Variants in BEND3 observed in about 807,000 individuals in gnomAD.
BEND3 encodes BEN domain-containing protein 3.
A neutral mutation model predicts 60.1 loss-of-function variants in BEND3; 13 were observed. The ratio of observed to expected loss-of-function variants is 0.22; its 90% CI spans 0.14 to 0.34. The LOEUF is 0.34. BEND3 is among the 10% of genes least tolerant of loss of function. BEND3 has a pLI of 1.00. For missense variants in BEND3, 896 were observed against 1,138.1 expected (o/e 0.79, Z 3.06); for synonymous variants, 497 against 491.5 (o/e 1.01, Z -0.15).
intron 3 of BEND3, among the ~76,000 whole-genome samples, chr6:107,080,766 C>G (rs1775215776): frequency 6.6e-6 from 1 of 151,864 alleles, no homozygotes; most frequent in African/African-American, 2.4e-5. Context: ...CACCTGTAAC[C>G]CCAGCTACTC....
At chr6:107,092,559 T>C (rs1162581753) in intron 3 of BEND3, among the ~76,000 whole-genome samples, 1 of 152,218 alleles carries the variant, frequency 6.6e-6, no homozygotes, top group Non-Finnish European at 1.5e-5. Context: ...CCCATGAAGA[T>C]CAGGCACAAA....
chr6:107,098,413 G>A, intron 3 of BEND3, 138 bp downstream of exon 3: 2 of 821,134 alleles, frequency 2.4e-6, no homozygotes, highest in Non-Finnish European at 3.8e-6. Context: ...TGAAGCCAGA[G>A]ATGGGATAGC....
At chr6:107,111,901 G>A (rs1355259967) in intron 1 of BEND3, among the ~76,000 whole-genome samples, 5 of 151,408 alleles carry the variant, frequency 3.3e-5, no homozygotes, top group African/African-American at 1.2e-4. Flanking sequence ...AGAATCACTT[G>A]AACCCAGGAG....
chr6:107,069,443 G>C lies in BEND3; in HGVS notation c.1748C>G (p.Pro583Arg), dbSNP rs782427070. 1 of 1,612,518 alleles carries C rather than the reference G, an allele frequency of 6.2e-7. No individual in the cohort carries two copies. The highest frequency in any genetic ancestry group is 1.1e-5 in the South Asian group (1 of 91,078). ...CAGGTTCTCGTGCGTGAAGAGCTCG[G>C]GGAACAGGTGCACCAGCAGGCGCGA... Reference protein sequence around the residue: ...FASRLLVHLFPELFTHENLRK... With the variant: ...FASRLLVHLFRELFTHENLRK... Residue 583 changes from proline to arginine, a missense_variant, in exon 4 of 4, where the codon CCC becomes CGC. Coordinates refer to ENST00000369042, the MANE Select transcript of BEND3 (RefSeq NM_001367314.1).
chr6:107,112,434 T>C (rs72935791), intron 1 of BEND3, among the ~76,000 whole-genome samples: 11 of 152,256 alleles, frequency 7.2e-5, no homozygotes, highest in Non-Finnish European at 1.0e-4. Context: ...ATGCTGACTG[T>C]CTCATCTGCC....
At chr6:107,100,590 A>G (rs1455026812) in intron 1 of BEND3, among the ~76,000 whole-genome samples, 1 of 152,152 alleles carries the variant, frequency 6.6e-6, no homozygotes, top group Non-Finnish European at 1.5e-5. Flanking sequence ...AAAGGTGGGC[A>G]GTGCTCTGTT....
intron 3 of BEND3, among the ~76,000 whole-genome samples, chr6:107,086,167 C>T (rs782229489): frequency 6.6e-6 from 1 of 152,278 alleles, no homozygotes; most frequent in African/African-American, 2.4e-5. Flanking sequence ...CAGAGCCTAA[C>T]TGACCAGAAG....
intron 1 of BEND3, among the ~76,000 whole-genome samples, chr6:107,103,114 A>G (rs1554236908): frequency 6.6e-6 from 1 of 152,198 alleles, no homozygotes; most frequent in African/African-American, 2.4e-5. Flanking sequence ...CTGGAAAGTC[A>G]GTCTGCTCCG....
intron 3 of BEND3, among the ~76,000 whole-genome samples, chr6:107,083,703 G>T (rs1188224723): frequency 1.3e-5 from 2 of 151,912 alleles, no homozygotes; most frequent in African/African-American, 4.8e-5. Context: ...GGACATTACA[G>T]ATTTTTAAAT....
chr6:107,070,693 C>G lies in BEND3; in HGVS notation c.498G>C (p.Ser166=). ...GTGGCTCATTCAGGAGCCGCAGTGA[C>G]GAGGGGCTGTTGCTGGCGTTTGCCT... The part of the protein sequence containing the change: ...FEKANASNSP[S]SLRLLNEPQK... The change falls in exon 4 of 4, where the codon TCG becomes TCC. Residue 166 remains serine, a synonymous_variant. Transcript: ENST00000369042. This position sits in a 1 kb window ranked among gnomAD's most constrained non-coding sequence, Gnocchi z 6.9. The G allele has an allele frequency of 3.1e-6, 5 of 1,613,262 alleles. No homozygotes were observed. Among genetic ancestry groups the G allele is most frequent in the Non-Finnish European group, 4.2e-6 (5 of 1,180,022 alleles).
intron 3 of BEND3, among the ~76,000 whole-genome samples, chr6:107,091,491 T>C (rs559148051): frequency 1.3e-5 from 2 of 152,198 alleles, no homozygotes; most frequent in East Asian, 1.9e-4. Flanking sequence ...ACAGGCCCCA[T>C]GGACATTGAA....
At chr6:107,099,707 C>T (rs148071831) in intron 1 of BEND3, among the ~76,000 whole-genome samples, 5 of 152,244 alleles carry the variant, frequency 3.3e-5, no homozygotes, top group East Asian at 1.9e-4. Context: ...TTAGGACTTA[C>T]GGTTGTCAAG....
chr6:107,113,979 T>G (rs1481137448), intron 1 of BEND3: 1 of 152,252 alleles, frequency 6.6e-6, no homozygotes, highest in African/African-American at 2.4e-5. Context: ...TTTAAGGAGA[T>G]GAACTGCACA....
intron 1 of BEND3, among the ~76,000 whole-genome samples, chr6:107,109,126 C>A (rs1201302569): frequency 6.6e-6 from 1 of 151,638 alleles, no homozygotes; most frequent in Non-Finnish European, 1.5e-5. Flanking sequence ...ACTTTAAATA[C>A]ACGTTTCAAC....
In BEND3 at chr6:107,070,741, TAGC is replaced by T; in HGVS notation, c.447_449del (p.Leu150del). On this transcript the variant is annotated inframe_deletion, in exon 4 of 4. Transcript: ENST00000369042. The surrounding 1 kb of genome is among the most constrained non-coding windows in gnomAD (Gnocchi z 6.9). ...CCTTCTCAAAGAGCTCGTACACGTTTAGCAGGTCCCCCGAGGGAGGATTCTTCT... is the reference window on the plus strand; with the variant it reads ...CCTTCTCAAAGAGCTCGTACACGTTTAGGTCCCCCGAGGGAGGATTCTTCT... 6.2e-7 allele frequency: 1 copy of T among 1,614,050 alleles called. No homozygotes were observed. The highest frequency in any genetic ancestry group is 8.5e-7 in the Non-Finnish European group (1 of 1,180,020).
At chr6:107,100,599 TTC>T (rs1374085010) in intron 1 of BEND3, among the ~76,000 whole-genome samples, 5 of 152,122 alleles carry the variant, frequency 3.3e-5, no homozygotes, top group African/African-American at 1.2e-4. Flanking sequence ...CAGTGCTCTG[TTC>T]CAGGCTGCAG....
intron 3 of BEND3, among the ~76,000 whole-genome samples, chr6:107,090,860 C>T (rs1426012508): frequency 6.6e-6 from 1 of 152,000 alleles, no homozygotes; most frequent in Non-Finnish European, 1.5e-5. Context: ...CCTGTAATCC[C>T]AGCACTTTGG....
chr6:107,081,030 T>C (rs993625132), intron 3 of BEND3, among the ~76,000 whole-genome samples: 4 of 152,134 alleles, frequency 2.6e-5, no homozygotes, highest in African/African-American at 4.8e-5. Flanking sequence ...GGCAGGATCA[T>C]TGCAGCCTCA....
chr6:107,101,962 A>G (rs1775710180), intron 1 of BEND3, among the ~76,000 whole-genome samples: 1 of 152,228 alleles, frequency 6.6e-6, no homozygotes. Context: ...CATACTTTAC[A>G]AAACAAATTA....
Sources: allele counts gnomAD v4.1 joint callset (sites outside exome capture counted in the v4.1 genomes callset), GRCh38; gene constraint gnomAD v4.1.1; non-coding constraint Gnocchi (gnomAD v3.1); transcripts MANE v1.5; gene names NCBI Gene and HGNC (gene_info 2026-07-23, HGNC 2026-07-21).